NINL: variants seen among roughly 807,000 people sequenced by gnomAD.
NINL encodes the protein ninein-like protein.
In NINL, 153 loss-of-function variants were observed where a neutral mutation model predicts 160.3. The ratio of observed to expected loss-of-function variants is 0.95; its 90% confidence interval spans 0.84 to 1.09. The LOEUF (loss-of-function observed/expected upper bound fraction) is 1.09. NINL is among the 50% of genes least tolerant of loss of function. The pLI is 0.00. For missense variants in NINL, 1,829 were observed against 1,764.0 expected (o/e 1.04, Z -0.66); for synonymous variants, 800 against 734.8 (o/e 1.09, Z -1.43).
intron 3 of NINL, among the ~76,000 whole-genome samples, chr20:25,514,956 G>A (rs946742499): frequency 6.6e-6 from 1 of 152,226 alleles, no homozygotes; most frequent in Non-Finnish European, 1.5e-5. Context: ...CTGCAGGGAC[G>A]GAGCCCTCAT....
chr20:25,500,813 C>G, intron 8 of NINL, 27 bp downstream of exon 8: 1 of 1,604,220 alleles, frequency 6.2e-7, no homozygotes, highest in South Asian at 1.1e-5. Context: ...GTCCCCTGTC[C>G]AGCTTAGGCA....
intron 1 of NINL, among the ~76,000 whole-genome samples, chr20:25,570,640 G>A (rs567088982): frequency 4.2e-4 from 60 of 142,382 alleles, no homozygotes; most frequent in Middle Eastern, 4.0e-3. Flanking sequence ...AACTAATACA[G>A]ATACTTTTTT....
intron 1 of NINL, among the ~76,000 whole-genome samples, chr20:25,549,325 C>T (rs1181494703): frequency 1.3e-5 from 2 of 151,674 alleles, no homozygotes; most frequent in South Asian, 4.2e-4. Flanking sequence ...GCACACATGG[C>T]CACAGCTCCC....
At chr20:25,456,112 G>A (rs553449612) in intron 22 of NINL, among the ~76,000 whole-genome samples, 4 of 151,460 alleles carry the variant, frequency 2.6e-5, no homozygotes, top group East Asian at 2.0e-4. Flanking sequence ...GCGTGGTAGC[G>A]TGCACCTGTA....
intron 1 of NINL, among the ~76,000 whole-genome samples, chr20:25,538,103 C>T (rs2064592587): frequency 6.6e-6 from 1 of 152,268 alleles, no homozygotes; most frequent in African/African-American, 2.4e-5. Context: ...CCTGGCCCAT[C>T]CCAACCCCGC....
chr20:25,559,763 A>G (rs1409040688), intron 1 of NINL, among the ~76,000 whole-genome samples: 3 of 148,512 alleles, frequency 2.0e-5, no homozygotes, highest in Admixed American at 2.0e-4. Context: ...ACCACACCCG[A>G]CTATTTTTTT....
At chr20:25,477,155 T>C in intron 16 of NINL, 66 bp from the exon 17 acceptor site, 1 of 1,431,906 alleles carries the variant, frequency 7.0e-7, no homozygotes, top group Non-Finnish European at 9.3e-7. Context: ...GGGTTTGAAG[T>C]CTGCCCAGCT....
At chr20:25,487,936 C>T (rs2063536692) in intron 13 of NINL, among the ~76,000 whole-genome samples, 1 of 152,224 alleles carries the variant, frequency 6.6e-6, no homozygotes, top group Non-Finnish European at 1.5e-5. Flanking sequence ...AGAGAAACAC[C>T]CGAGCTTTAA....
intron 7 of NINL, 97 bp from the exon 8 acceptor site, chr20:25,501,107 G>C (rs2063859443): frequency 2.8e-6 from 4 of 1,450,840 alleles, no homozygotes; most frequent in Admixed American, 2.4e-5. Flanking sequence ...TGTGCTCAGA[G>C]GGCCTCACAG....
chr20:25,470,098 G>C lies in NINL; in HGVS notation c.3249-3C>G. The C allele has an allele frequency of 6.2e-7, 1 of 1,612,884 alleles. No individual in the cohort carries two copies. The highest frequency in any genetic ancestry group is 8.5e-7 in the Non-Finnish European group (1 of 1,179,098). ...CAGAAAGTCTATGGAACTCCAGTCT[G>C]CGTAAAAATTGAGAAAAGACCGGTG... On this transcript the variant is annotated splice_region_variant and splice_polypyrimidine_tract_variant and intron_variant, in intron 17 of 23. Transcript: ENST00000278886.
chr20:25,494,745 G>C (rs2063716693), intron 10 of NINL, among the ~76,000 whole-genome samples: 1 of 152,216 alleles, frequency 6.6e-6, no homozygotes, highest in East Asian at 1.9e-4. Context: ...CTGAGGACAT[G>C]GGTTATGGAG....
chr20:25,460,252 C>T (rs924065438), intron 21 of NINL, among the ~76,000 whole-genome samples: 4 of 152,194 alleles, frequency 2.6e-5, no homozygotes, highest in African/African-American at 4.8e-5. Flanking sequence ...GCCCCATCTG[C>T]CTTTTCCAGA....
chr20:25,555,765 C>A (rs1277676658), intron 1 of NINL, among the ~76,000 whole-genome samples: 1 of 152,166 alleles, frequency 6.6e-6, no homozygotes, highest in Non-Finnish European at 1.5e-5. Flanking sequence ...ACTTCCACCT[C>A]CCGGGTTCAA....
intron 18 of NINL, among the ~76,000 whole-genome samples, chr20:25,469,463 TG>T (rs1445681207): frequency 3.5e-5 from 5 of 144,326 alleles, no homozygotes. Flanking sequence ...CTCTCACTGG[TG>T]CCCCCACCCC....
intron 23 of NINL, among the ~76,000 whole-genome samples, chr20:25,454,813 A>G (rs2090626654): frequency 6.6e-6 from 1 of 152,106 alleles, no homozygotes; most frequent in Non-Finnish European, 1.5e-5. Flanking sequence ...ACATCTACAG[A>G]CCAGGTGAGT....
At chr20:25,463,370 G>C (rs941596253) in intron 19 of NINL, among the ~76,000 whole-genome samples, 7 of 152,134 alleles carry the variant, frequency 4.6e-5, no homozygotes, top group African/African-American at 7.2e-5. Context: ...AATCTCTTAA[G>C]TCTCCTCTGA....
At position 25,476,471 on chromosome 20, in the gene NINL, C is replaced by T. The variant is rs1393896534; in HGVS notation, c.2820G>A (p.Glu940=). 6.2e-7 allele frequency: 1 copy of T among 1,606,474 alleles called. No homozygotes were observed. Among genetic ancestry groups the T allele is most frequent in the East Asian group, 2.2e-5 (1 of 44,892 alleles). Residue 940 remains glutamate (E), a synonymous_variant, in exon 17 of 24, where the codon GAG becomes GAA. Transcript: ENST00000278886. ...CTCTCTCTGTTCCCAGCAGAGGCAGCTCCCGGGCTCCAGGCTGCTCCAGCC... is the reference window on the plus strand; with the variant it reads ...CTCTCTCTGTTCCCAGCAGAGGCAGTTCCCGGGCTCCAGGCTGCTCCAGCC... The part of the protein sequence containing the change: ...AAGLEQPGAR[E]LPLLGTERDA...
intron 19 of NINL, among the ~76,000 whole-genome samples, chr20:25,466,203 G>A (rs895092087): frequency 4.0e-5 from 6 of 151,628 alleles, no homozygotes; most frequent in African/African-American, 1.5e-4. Context: ...TCTTTTTTTT[G>A]TAGAGATGGG....
rs557835645 is a variant in NINL, at chr20:25,536,770, G to T, written c.-11-10172C>A. On this transcript the variant is annotated intron_variant, in intron 1 of 23. Coordinates refer to ENST00000278886, the MANE Select transcript of NINL (RefSeq NM_025176.6). ...AGCCCAGACAACATCAGCCCATAAA[G>T]CCAAACCTGGCAAAAGAGTAGAAGT... is the stretch of plus-strand genomic sequence containing the variant. Among the ~76,000 whole-genome samples, 208 of 147,834 alleles carry T rather than the reference G, an allele frequency of 1.4e-3. 1 individual carries two copies. The highest frequency in any genetic ancestry group is 4.9e-3 in the African/African-American group (196 of 40,396).
Sources: allele counts gnomAD v4.1 joint callset (sites outside exome capture counted in the v4.1 genomes callset), GRCh38; gene constraint gnomAD v4.1.1; transcripts MANE v1.5; gene names NCBI Gene and HGNC (gene_info 2026-07-23, HGNC 2026-07-21).